Variants in IGF1R observed in about 807,000 individuals in gnomAD.
IGF1R encodes the protein insulin like growth factor 1 receptor.
IGF1R carries 44 observed loss-of-function variants against 144.6 expected under a neutral mutation model. The observed-to-expected ratio is 0.30, with a 90% CI of 0.24 to 0.39. IGF1R has a LOEUF of 0.39. Ranked by LOEUF, IGF1R falls within the 10% of genes least tolerant of loss-of-function variation. IGF1R has a pLI of 1.00. For missense variants in IGF1R, 1,355 were observed against 1,833.7 expected (o/e 0.74, Z 4.77); for synonymous variants, 795 against 722.8 (o/e 1.10, Z -1.60).
chr15:98,735,836 G>A (rs1197009209), intron 2 of IGF1R, among the ~76,000 whole-genome samples: 1 of 152,210 alleles, frequency 6.6e-6, no homozygotes, highest in Non-Finnish European at 1.5e-5. Flanking sequence ...TTACAGTGGT[G>A]CTCTAGAAGC....
intron 1 of IGF1R, among the ~76,000 whole-genome samples, chr15:98,669,067 C>T (rs2038813010): frequency 2.6e-5 from 4 of 152,154 alleles, no homozygotes; most frequent in South Asian, 2.1e-4. Context: ...GGTAGAATTT[C>T]GTGATGAGTC....
intron 2 of IGF1R, among the ~76,000 whole-genome samples, chr15:98,860,606 C>T (rs1311039692): frequency 6.6e-6 from 1 of 152,164 alleles, no homozygotes. Flanking sequence ...AGGACATCAG[C>T]GAGCATAAAT....
intron 2 of IGF1R, among the ~76,000 whole-genome samples, chr15:98,889,030 C>G (rs916865503): frequency 6.6e-6 from 1 of 152,174 alleles, no homozygotes; most frequent in Non-Finnish European, 1.5e-5. Context: ...CCAGGAAGTT[C>G]CAGTCACAAC....
At chr15:98,930,202 G>A (rs751248553) in intron 14 of IGF1R, 33 bp from the exon 15 acceptor site, 1 of 1,508,024 alleles carries the variant, frequency 6.6e-7, no homozygotes, top group Non-Finnish European at 9.2e-7. Context: ...TGGAGGTGGG[G>A]TTTTGTTAAC....
intron 5 of IGF1R, 73 bp from the exon 6 acceptor site, chr15:98,908,612 G>A: frequency 3.6e-6 from 4 of 1,106,608 alleles, no homozygotes; most frequent in Non-Finnish European, 5.5e-6. Context: ...GAGGACCTGT[G>A]TTACGTGGCC....
chr15:98,950,626 A>C (rs575049408), intron 20 of IGF1R, among the ~76,000 whole-genome samples: 1 of 152,344 alleles, frequency 6.6e-6, no homozygotes, highest in South Asian at 2.1e-4. Flanking sequence ...AAGACTGATA[A>C]GAGGACAGCT....
chr15:98,885,460 A>G (rs147292663), intron 2 of IGF1R, among the ~76,000 whole-genome samples: 8 of 152,222 alleles, frequency 5.3e-5, no homozygotes, highest in African/African-American at 9.6e-5. Context: ...AAGGCAAGAG[A>G]ATCATAAAAT....
At chr15:98,922,080 TACTC>T in intron 10 of IGF1R, 64 bp from the exon 11 acceptor site, 1 of 1,556,292 alleles carries the variant, frequency 6.4e-7, no homozygotes, top group Non-Finnish European at 8.9e-7. Flanking sequence ...CTGTTACTCT[TACTC>T]AAGTCATAGA....
At chr15:98,762,388 A>G (rs1055815393) in intron 2 of IGF1R, among the ~76,000 whole-genome samples, 32 of 152,054 alleles carry the variant, frequency 2.1e-4, no homozygotes, top group East Asian at 3.9e-4. Flanking sequence ...TCGTGATTCT[A>G]TTACTTGTTC....
At chr15:98,951,006 G>A (rs955603189) in intron 20 of IGF1R, among the ~76,000 whole-genome samples, 2 of 152,242 alleles carry the variant, frequency 1.3e-5, no homozygotes, top group Non-Finnish European at 2.9e-5. Flanking sequence ...ACACACCCCT[G>A]TGCTCTGGGA....
At chr15:98,924,393 G>A in intron 12 of IGF1R, 132 bp from the exon 13 acceptor site, 1 of 864,478 alleles carries the variant, frequency 1.2e-6, no homozygotes, top group South Asian at 1.3e-5. Context: ...TGTCTTTACT[G>A]ACACTCAGGA....
At chr15:98,746,079 A>T (rs1471456868) in intron 2 of IGF1R, among the ~76,000 whole-genome samples, 1 of 152,178 alleles carries the variant, frequency 6.6e-6, no homozygotes, top group African/African-American at 2.4e-5. Flanking sequence ...CTGTGAATAG[A>T]TCTCCAGTAT....
At chr15:98,671,194 C>A (rs1185369163) in intron 1 of IGF1R, among the ~76,000 whole-genome samples, 4 of 152,234 alleles carry the variant, frequency 2.6e-5, no homozygotes, top group Non-Finnish European at 5.9e-5. Flanking sequence ...CATGCAGGTT[C>A]ATTGCATGGG....
At chr15:98,740,291 C>A (rs1416025217) in intron 2 of IGF1R, among the ~76,000 whole-genome samples, 5 of 152,210 alleles carry the variant, frequency 3.3e-5, no homozygotes, top group Non-Finnish European at 5.9e-5. Context: ...GCTTTATTAA[C>A]TCTTCTCTGC....
intron 2 of IGF1R, among the ~76,000 whole-genome samples, chr15:98,797,452 A>G (rs2056270820): frequency 6.6e-6 from 1 of 152,204 alleles, no homozygotes; most frequent in African/African-American, 2.4e-5. Flanking sequence ...GCTGTTATTT[A>G]GTAACTTCAA....
chr15:98,957,500 G>GT lies in IGF1R; in HGVS notation c.*58_*59insT. ...GTGTGCGCACGCGCAGCGGGGTGGG[G>GT]GGGGAGAGAGAGTTTTAACAATCCA... On this transcript the variant is annotated 3_prime_UTR_variant, in exon 21 of 21. Transcript: ENST00000650285. 6.2e-7 allele frequency: 1 copy of GT among 1,606,680 alleles called. No homozygotes were observed. Among genetic ancestry groups the GT allele is most frequent in the South Asian group, 1.1e-5 (1 of 90,730 alleles).
chr15:98,665,423 A>C (rs151136064), intron 1 of IGF1R, among the ~76,000 whole-genome samples: 1 of 152,162 alleles, frequency 6.6e-6, no homozygotes, highest in East Asian at 1.9e-4. Context: ...TTTTGAGGCC[A>C]TGGTGATGGA....
rs1436035242 is a variant in IGF1R, at chr15:98,674,475, A to T, written c.94+24800A>T. On this transcript the variant is annotated intron_variant, in intron 1 of 20. Coordinates refer to ENST00000650285, the MANE Select transcript of IGF1R (RefSeq NM_000875.5). ...CCATTGCCTCCTTTATATGAGGTCT[A>T]CAGAGCGCGTTCAGAGGGCTCTTAT... is the stretch of plus-strand genomic sequence containing the variant. Among the ~76,000 whole-genome samples, 3 of 152,304 alleles carry T rather than the reference A, an allele frequency of 2.0e-5. No homozygotes were observed. In the East Asian group the frequency reaches 5.8e-4, roughly 29 times the overall value.
intron 2 of IGF1R, among the ~76,000 whole-genome samples, chr15:98,829,172 A>G (rs978572508): frequency 1.2e-4 from 18 of 151,738 alleles, no homozygotes; most frequent in African/African-American, 4.4e-4. Context: ...AGAGCTTCTT[A>G]CCACATCTGG....
Sources: allele counts gnomAD v4.1 joint callset (sites outside exome capture counted in the v4.1 genomes callset), GRCh38; gene constraint gnomAD v4.1.1; transcripts MANE v1.5; gene names NCBI Gene and HGNC (gene_info 2026-07-23, HGNC 2026-07-21).